Variants in TMBIM4 observed in about 807,000 individuals in gnomAD.
TMBIM4 encodes transmembrane BAX inhibitor motif containing 4.
TMBIM4 carries 28 observed loss-of-function variants against 27.7 expected under a neutral mutation model. The observed-to-expected ratio is 1.01, with a 90% CI of 0.75 to 1.38. The LOEUF is 1.38. Among genes scored for constraint, TMBIM4 ranks in the 40% most tolerant of loss-of-function variants. The pLI is 0.00. For synonymous variants in TMBIM4, 115 were observed against 113.1 expected, an observed-to-expected ratio of 1.02 and a Z score of -0.11; for missense variants, 265 against 277.5, an observed-to-expected ratio of 0.95 and a Z score of 0.32.
At chr12:66,144,478 G>A (rs528340865) in intron 5 of TMBIM4, among the ~76,000 whole-genome samples, 15 of 152,184 alleles carry the variant, frequency 9.9e-5, no homozygotes, top group South Asian at 4.2e-4. Context: ...GGTAAATTGC[G>A]GGGTGGGGGC....
chr12:66,161,650 G>A (rs745807136), intron 1 of TMBIM4, among the ~76,000 whole-genome samples: 6 of 152,150 alleles, frequency 3.9e-5, no homozygotes, highest in Non-Finnish European at 2.9e-5. Flanking sequence ...CCAACCTAGT[G>A]ATAAGGACTC....
In TMBIM4 at chr12:66,136,094, AAAG is replaced by A. The variant is rs1189017571; in HGVS notation, c.*1863_*1865del. On this transcript the variant is annotated 3_prime_UTR_variant, in exon 7 of 7. Transcript: ENST00000358230. ...ATTAAAAAAAAAAAAAAAAAAAAAA[AAAG>A]AAAATGGTATTAATACCATCAGCTG... The A allele has an allele frequency of 3.4e-5, 5 of 148,858 alleles. 2 individuals are homozygous for A. Among genetic ancestry groups the A allele is most frequent in the African/African-American group, 1.2e-4 (5 of 40,308 alleles). The allele number at this position is 148,858 out of a possible 1,614,324, so 9.2% of individuals were successfully genotyped here.
chr12:66,141,670 A>G (rs1425971174), intron 5 of TMBIM4, among the ~76,000 whole-genome samples: 7 of 152,154 alleles, frequency 4.6e-5, no homozygotes, highest in Non-Finnish European at 8.8e-5. Flanking sequence ...ACAAATTAAG[A>G]AGAAAGCTGG....
At chr12:66,149,753 T>G (rs1171349407) in intron 3 of TMBIM4, among the ~76,000 whole-genome samples, 2 of 152,150 alleles carry the variant, frequency 1.3e-5, no homozygotes, top group East Asian at 3.9e-4. Context: ...GGTTAAAGAA[T>G]CACCAATGCT....
At chr12:66,157,143 G>A (rs1037968231) in intron 1 of TMBIM4, among the ~76,000 whole-genome samples, 1 of 152,046 alleles carries the variant, frequency 6.6e-6, no homozygotes, top group African/African-American at 2.4e-5. Flanking sequence ...AAAATCTTAA[G>A]ATTTTTTTTA....
At chr12:66,152,473 A>G (rs1290097201) in intron 2 of TMBIM4, 97 bp from the exon 3 acceptor site, 1 of 756,562 alleles carries the variant, frequency 1.3e-6, no homozygotes. Flanking sequence ...TATGTTTATG[A>G]AAGTACAGGG....
intron 6 of TMBIM4, 76 bp downstream of exon 6, chr12:66,138,648 C>T: frequency 9.0e-7 from 1 of 1,108,528 alleles, no homozygotes; most frequent in Non-Finnish European, 1.3e-6. Flanking sequence ...AAGAGTATCT[C>T]TTATAGCTTT....
chr12:66,141,020 G>C (rs887620273), intron 5 of TMBIM4, among the ~76,000 whole-genome samples: 2 of 151,914 alleles, frequency 1.3e-5, no homozygotes, highest in African/African-American at 2.4e-5. Flanking sequence ...CCAAAACCTA[G>C]AATCTTACAC....
chr12:66,167,515 A>G (rs1357723837), intron 1 of TMBIM4, among the ~76,000 whole-genome samples: 5 of 152,258 alleles, frequency 3.3e-5, no homozygotes, highest in African/African-American at 1.2e-4. Flanking sequence ...ACATCATTAA[A>G]TCATTAGAGA....
At chr12:66,155,833 A>G (rs2051927078) in intron 1 of TMBIM4, among the ~76,000 whole-genome samples, 1 of 152,220 alleles carries the variant, frequency 6.6e-6, no homozygotes, top group Admixed American at 6.5e-5. Context: ...ATATGTAATA[A>G]AAGACTAGAA....
chr12:66,156,722 C>T (rs949849918), intron 1 of TMBIM4, among the ~76,000 whole-genome samples: 6 of 152,220 alleles, frequency 3.9e-5, no homozygotes, highest in Non-Finnish European at 8.8e-5. Context: ...AGCACTCTCT[C>T]TCTTCCTCAC....
intron 5 of TMBIM4, among the ~76,000 whole-genome samples, chr12:66,141,975 C>T (rs2051675963): frequency 6.6e-6 from 1 of 152,020 alleles, no homozygotes; most frequent in Non-Finnish European, 1.5e-5. Context: ...ACCAACTTTA[C>T]CTAATTGACA....
At chr12:66,147,411 CAG>C (rs1345429781) in intron 4 of TMBIM4, among the ~76,000 whole-genome samples, 1 of 152,098 alleles carries the variant, frequency 6.6e-6, no homozygotes. Context: ...GTAATTATAA[CAG>C]AAACGGCCTT....
chr12:66,156,755 C>T (rs1394709003), intron 1 of TMBIM4, among the ~76,000 whole-genome samples: 1 of 152,206 alleles, frequency 6.6e-6, no homozygotes, highest in South Asian at 2.1e-4. Context: ...ACATTAGTCA[C>T]TTTCCCGCTT....
At chr12:66,160,884 G>A (rs907657568) in intron 1 of TMBIM4, among the ~76,000 whole-genome samples, 40 of 150,882 alleles carry the variant, frequency 2.7e-4, no homozygotes, top group African/African-American at 6.8e-4. Flanking sequence ...GGCGGCGGGC[G>A]GGCAGAGGTG....
At position 66,147,907 on chromosome 12, in the gene TMBIM4, C is replaced by A. The variant is rs2051777766; in HGVS notation, c.346+1G>T. On this transcript the variant is annotated splice_donor_variant, in intron 4 of 6. Coordinates refer to ENST00000358230, the MANE Select transcript of TMBIM4 (RefSeq NM_016056.4). LOFTEE classifies it high-confidence loss of function. ...CATATAGAAATGCAGTTACGGCTTA[C>A]CAACAACTGCCACAGTCAGAGCTTC... 6 of 1,610,734 alleles carry A rather than the reference C, an allele frequency of 3.7e-6. No individual in the cohort carries two copies. Among genetic ancestry groups the A allele is most frequent in the Non-Finnish European group, 5.1e-6 (6 of 1,178,260 alleles).
chr12:66,162,095 C>T (rs1157119704), intron 1 of TMBIM4, among the ~76,000 whole-genome samples: 1 of 151,700 alleles, frequency 6.6e-6, no homozygotes, highest in Non-Finnish European at 1.5e-5. Flanking sequence ...AAAGGCCATT[C>T]TTCTCACTAT....
rs1456366380 is a variant in TMBIM4 at position 66,136,484 on chromosome 12, T to TC, written c.*1475dup. The TC allele has an allele frequency of 6.5e-6, 1 of 154,238 alleles. No homozygotes were observed. The highest frequency in any genetic ancestry group is 1.5e-5 in the Non-Finnish European group (1 of 68,206). The allele number at this position is 154,238 out of a possible 1,614,324, so 9.6% of individuals were successfully genotyped here. A position where few individuals can be genotyped will look rare whatever the true frequency, so the allele number is the denominator to read the frequency against. ...GGGGGTGTTATGGGCTGAGTTGTAGTCCCCCCAAAATTCACATGAAGAAAT... is the reference window on the plus strand; with the variant it reads ...GGGGGTGTTATGGGCTGAGTTGTAGTCCCCCCCAAAATTCACATGAAGAAAT... On this transcript the variant is annotated 3_prime_UTR_variant, in exon 7 of 7. Transcript: ENST00000358230.
At chr12:66,141,752 A>G (rs930003013) in intron 5 of TMBIM4, among the ~76,000 whole-genome samples, 1 of 152,228 alleles carries the variant, frequency 6.6e-6, no homozygotes, top group African/African-American at 2.4e-5. Flanking sequence ...TCACTTCATA[A>G]TGATAAAGGG....
Sources: gnomAD v4.1 joint callset for allele counts (sites outside exome capture counted in the v4.1 genomes callset) on GRCh38, gnomAD v4.1.1 for gene constraint, MANE v1.5 for transcripts, NCBI Gene and HGNC (gene_info 2026-07-23, HGNC 2026-07-21) for gene names.